Variants in SPAG1 observed in about 807,000 individuals in gnomAD.
SPAG1 encodes sperm associated antigen 1.
In SPAG1, 69 loss-of-function variants were observed where a neutral mutation model predicts 100.5. The observed-to-expected ratio is 0.69, with a 90% CI of 0.57 to 0.84. The LOEUF (loss-of-function observed/expected upper bound fraction) is 0.84, where lower values mean the gene tolerates loss of function less well. SPAG1 is among the 40% of genes least tolerant of loss of function. SPAG1 has a pLI of 0.00. For synonymous variants in SPAG1, 336 were observed against 411.6 expected, an observed-to-expected ratio of 0.82 and a Z score of 2.22; for missense variants, 955 against 1,133.1, an observed-to-expected ratio of 0.84 and a Z score of 2.26.
At chr8:100,229,196 G>A (rs544188282) in intron 14 of SPAG1, among the ~76,000 whole-genome samples, 27 of 151,948 alleles carry the variant, frequency 1.8e-4, no homozygotes, top group African/African-American at 4.1e-4. Flanking sequence ...TGGGATCCTC[G>A]AGGATCACGA....
At chr8:100,225,662 A>G (rs771993105) in intron 14 of SPAG1, among the ~76,000 whole-genome samples, 11 of 151,442 alleles carry the variant, frequency 7.3e-5, no homozygotes, top group Non-Finnish European at 1.3e-4. Flanking sequence ...TTTAGTAGAG[A>G]CAGGGTTTCA....
intron 1 of SPAG1, among the ~76,000 whole-genome samples, chr8:100,159,193 G>GA (rs1255624593): frequency 6.6e-6 from 1 of 152,040 alleles, no homozygotes; most frequent in East Asian, 1.9e-4. Context: ...TTGCTCTTTG[G>GA]AAAAATCCTT....
intron 10 of SPAG1, among the ~76,000 whole-genome samples, chr8:100,202,377 G>A (rs1467617746): frequency 6.6e-6 from 1 of 151,644 alleles, no homozygotes; most frequent in Non-Finnish European, 1.5e-5. Flanking sequence ...AAAAAAACCT[G>A]TTCTTTTCCT....
intron 10 of SPAG1, among the ~76,000 whole-genome samples, chr8:100,202,578 C>T (rs982807309): frequency 6.7e-6 from 1 of 150,324 alleles, no homozygotes; most frequent in African/African-American, 2.4e-5. Context: ...GGCGTGGTAG[C>T]GGGCGCCTGT....
In SPAG1 at chr8:100,239,238, A is replaced by C; in HGVS notation, c.2116-2A>C. On this transcript the variant is annotated splice_acceptor_variant, in intron 16 of 18. Transcript: ENST00000388798. LOFTEE classifies it high-confidence loss of function. The surrounding 1 kb of genome is among the most constrained non-coding windows in gnomAD (Gnocchi z 5.0). ...TTATTTTCTCTGTCTTCCTACTTACAGAATTATCAGAAAAGCTTAATTGAT... is the reference window on the plus strand; with the variant it reads ...TTATTTTCTCTGTCTTCCTACTTACCGAATTATCAGAAAAGCTTAATTGAT... The C allele has an allele frequency of 6.8e-7, 1 of 1,479,498 alleles. No homozygotes were observed. Among genetic ancestry groups the C allele is most frequent in the East Asian group, 2.4e-5 (1 of 41,898 alleles). The allele number at this position is 1,479,498 out of a possible 1,614,324, so 91.6% of individuals were successfully genotyped here.
chr8:100,176,828 CCTCT>C (rs1816143711), intron 3 of SPAG1, among the ~76,000 whole-genome samples: 1 of 148,526 alleles, frequency 6.7e-6, no homozygotes. Flanking sequence ...CCTCTCCTCT[CCTCT>C]CCTCTCCTCT....
At chr8:100,231,548 A>C (rs955381643) in intron 15 of SPAG1, among the ~76,000 whole-genome samples, 2 of 152,196 alleles carry the variant, frequency 1.3e-5, no homozygotes, top group African/African-American at 4.8e-5. Flanking sequence ...AAAAGCGACC[A>C]TGGCTGCTTT....
At position 100,213,435 on chromosome 8, in the gene SPAG1, G is replaced by A. The variant is rs903148851; in HGVS notation, c.1435+7G>A. 12 of 1,391,920 alleles carry A rather than the reference G, an allele frequency of 8.6e-6. No homozygotes were observed. The African/African-American group carries it at 1.2e-4, about 14-fold the overall frequency. 86.2% of individuals were successfully genotyped at this position (1,391,920 alleles called of 1,614,324 possible). On this transcript the variant is annotated splice_region_variant and intron_variant, in intron 11 of 18. Transcript: ENST00000388798. ...GCGCTCCTGGAGCCAGCAGGTAGGT[G>A]CGCCGCGCCCCGCCGCTTCCTGGGC...
At chr8:100,170,641 G>A (rs187186953) in intron 3 of SPAG1, among the ~76,000 whole-genome samples, 544 of 151,988 alleles carry the variant, frequency 3.6e-3, no homozygotes, top group Non-Finnish European at 6.6e-3. Flanking sequence ...ATACAAGTTT[G>A]TATTTATCTA....
intron 14 of SPAG1, among the ~76,000 whole-genome samples, chr8:100,230,863 C>T (rs370731306): frequency 1.5e-3 from 231 of 152,136 alleles, no homozygotes; most frequent in African/African-American, 5.3e-3. Flanking sequence ...TCAGGTGATC[C>T]GCCCGCCTCG....
At chr8:100,223,117 A>G (rs975364178) in intron 13 of SPAG1, among the ~76,000 whole-genome samples, 2 of 152,212 alleles carry the variant, frequency 1.3e-5, no homozygotes, top group Non-Finnish European at 2.9e-5. Context: ...TATGGCTAAC[A>G]TTCCATTATA....
chr8:100,187,319 TTGTAA>T, intron 8 of SPAG1, 69 bp downstream of exon 8: 1 of 1,244,190 alleles, frequency 8.0e-7, no homozygotes, highest in Non-Finnish European at 1.1e-6. Context: ...TTGTAGATAC[TTGTAA>T]TGTTTACATT....
chr8:100,182,052 G>T (rs544681059), intron 4 of SPAG1, among the ~76,000 whole-genome samples: 41 of 152,222 alleles, frequency 2.7e-4, no homozygotes, highest in African/African-American at 9.4e-4. Context: ...TGAGAATGAA[G>T]ATATGTAATA....
chr8:100,173,643 T>C (rs1370730601), intron 3 of SPAG1, among the ~76,000 whole-genome samples: 1 of 152,212 alleles, frequency 6.6e-6, no homozygotes, highest in African/African-American at 2.4e-5. Flanking sequence ...ATTTAATAAA[T>C]GTTAAGAACC....
chr8:100,209,209 G>A (rs892570154), intron 10 of SPAG1, among the ~76,000 whole-genome samples: 3 of 151,938 alleles, frequency 2.0e-5, no homozygotes, highest in Non-Finnish European at 4.4e-5. Context: ...GTTGAGACTT[G>A]GACTGGCTCT....
chr8:100,219,837 T>C (rs1586516894), intron 12 of SPAG1, among the ~76,000 whole-genome samples: 1 of 152,258 alleles, frequency 6.6e-6, no homozygotes, highest in Non-Finnish European at 1.5e-5. Flanking sequence ...TGAATCATAA[T>C]GAACTAATAA....
At chr8:100,160,786 ATGAT>A (rs749578879) in intron 1 of SPAG1, among the ~76,000 whole-genome samples, 32 of 152,340 alleles carry the variant, frequency 2.1e-4, no homozygotes, top group Non-Finnish European at 3.4e-4. Flanking sequence ...ATCACAAAGA[ATGAT>A]TGGGATGTTA....
chr8:100,241,114 T>G lies in SPAG1; in HGVS notation c.*92T>G. ...GTAAAAGAGTTGCATGGATAAAACT[T>G]GGCCTAGAAAAGTTTGGTCTGCACT... On this transcript the variant is annotated 3_prime_UTR_variant, in exon 19 of 19. Coordinates refer to ENST00000388798, the MANE Select transcript of SPAG1 (RefSeq NM_003114.5). The surrounding 1 kb of genome is among the most constrained non-coding windows in gnomAD (Gnocchi z 5.1). The G allele has an allele frequency of 1.4e-6, 2 of 1,436,104 alleles. No individual in the cohort carries two copies. Among genetic ancestry groups the G allele is most frequent in the East Asian group, 4.7e-5 (2 of 42,844 alleles). 89.0% of individuals were successfully genotyped at this position (1,436,104 alleles called of 1,614,324 possible).
In SPAG1 at chr8:100,213,182, A is replaced by C. The variant is rs1246342969; in HGVS notation, c.1189A>C (p.Lys397Gln). 5.4e-6 allele frequency: 8 copies of C among 1,471,346 alleles called. No homozygotes were observed. Among genetic ancestry groups the C allele is most frequent in the Non-Finnish European group, 7.2e-6 (8 of 1,117,336 alleles). The allele number at this position is 1,471,346 out of a possible 1,614,324, so 91.1% of individuals were successfully genotyped here. A position where few individuals can be genotyped will look rare whatever the true frequency, so the allele number is the denominator to read the frequency against. Residue 397 changes from lysine to glutamine, a missense_variant, in exon 11 of 19, where the codon AAG (lysine) becomes CAG (glutamine). By Grantham distance (53) the Lys-to-Gln change is moderately conservative (BLOSUM62 1). Coordinates refer to ENST00000388798, the MANE Select transcript of SPAG1 (RefSeq NM_003114.5). ...GCTGACTGGCAAAGCCGAAGGCGGC[A>C]AGCGGCCGGCAAGGGGCGCGCCGCA... ...KKLTGKAEGGKRPARGAPQRG... is the reference protein window; with the variant it reads ...KKLTGKAEGGQRPARGAPQRG...
Sources: gnomAD v4.1 joint callset for allele counts (sites outside exome capture counted in the v4.1 genomes callset) on GRCh38, gnomAD v4.1.1 for gene constraint, Gnocchi (gnomAD v3.1) non-coding constraint, MANE v1.5 for transcripts, NCBI Gene and HGNC (gene_info 2026-07-23, HGNC 2026-07-21) for gene names.